The following TENM1 variants were observed in gnomAD, a reference collection of about 807,000 sequenced individuals.
The protein encoded by TENM1 is teneurin transmembrane protein 1.
In TENM1, 35 loss-of-function variants were observed where a neutral mutation model predicts 174.8. The observed-to-expected ratio is 0.20, with a 90% confidence interval of 0.15 to 0.27. TENM1 has a LOEUF of 0.27. Among genes scored for constraint, TENM1 ranks in the 10% least tolerant of loss-of-function variants. The pLI is 1.00. For synonymous variants in TENM1, 781 were observed against 798.7 expected, an observed-to-expected ratio of 0.98 and a Z score of 0.37; for missense variants, 1,633 against 2,130.1, an observed-to-expected ratio of 0.77 and a Z score of 4.59.
upstream of TENM1, among the ~76,000 whole-genome samples, chrX:124,965,755 T>C (rs560054003): frequency 9.0e-6 from 1 of 111,236 alleles, no homozygotes; most frequent in African/African-American, 3.3e-5. Flanking sequence ...CGCCAGTATA[T>C]TGGCTTCATA....
chrX:124,744,802 A>G (rs2053877755), intron 3 of TENM1, among the ~76,000 whole-genome samples: 1 of 111,755 alleles, frequency 8.9e-6, no homozygotes, highest in Non-Finnish European at 1.9e-5. Context: ...CTGAACATTT[A>G]TAAAGTTTTC....
At chrX:125,156,528 A>G in the TENM1 span, among the ~76,000 whole-genome samples, 1 of 112,034 alleles carries the variant, frequency 8.9e-6, no homozygotes. Context: ...CTGTTCCTGC[A>G]TTAGTTTGCT....
chrX:125,096,816 T>C, the TENM1 span, among the ~76,000 whole-genome samples: 1 of 109,784 alleles, frequency 9.1e-6, no homozygotes, highest in East Asian at 2.9e-4. Flanking sequence ...TAATTCCCCA[T>C]GACACCTGGA....
At chrX:124,737,886 G>T (rs1273866974) in intron 3 of TENM1, among the ~76,000 whole-genome samples, 5 of 112,087 alleles carry the variant, frequency 4.5e-5, no homozygotes. Context: ...ACCTTTCTAG[G>T]AGCTCTGCCA....
At chrX:124,484,607 T>C (rs2046914073) in intron 21 of TENM1, among the ~76,000 whole-genome samples, 1 of 111,980 alleles carries the variant, frequency 8.9e-6, no homozygotes, top group Non-Finnish European at 1.9e-5. Context: ...CTTCCAGCTT[T>C]AGCCATTGGG....
chrX:124,913,330 C>T lies in TENM1; in HGVS notation c.218-17089G>A, dbSNP rs144551113. ...GAAAACTACTTACTGCTCAGACATG[C>T]ATTAGTGTGTGGAGACTAGGGTACC... On this transcript the variant is annotated intron_variant, in intron 1 of 31. Transcript: ENST00000422452. Among the ~76,000 whole-genome samples the T allele has an allele frequency of 9.0e-3, 1,007 of 111,407 alleles. 4 individuals carry two copies. Among genetic ancestry groups the T allele is most frequent in the Non-Finnish European group, 0.016 (839 of 53,033 alleles).
exon 19 of TENM1, chrX:124,503,644 C>T (rs2047380790): frequency 4.1e-6 from 5 of 1,208,633 alleles, no homozygotes; most frequent in Non-Finnish European, 4.5e-6. Context: ...TGTAAAACGA[C>T]TGTCCTTTGC....
the TENM1 span, among the ~76,000 whole-genome samples, chrX:125,190,255 T>C: frequency 4.6e-4 from 52 of 112,322 alleles, no homozygotes; most frequent in Non-Finnish European, 6.4e-4. Context: ...TTTCTAATGA[T>C]GAGACCTGCC....
At chrX:124,529,450 G>T (rs2048057798) in intron 16 of TENM1, among the ~76,000 whole-genome samples, 1 of 111,617 alleles carries the variant, frequency 9.0e-6, no homozygotes, top group African/African-American at 3.3e-5. Flanking sequence ...CATTTTTAAA[G>T]CTTCTCCATT....
At chrX:125,070,574 A>G in the TENM1 span, among the ~76,000 whole-genome samples, 1 of 111,631 alleles carries the variant, frequency 9.0e-6, no homozygotes, top group African/African-American at 3.3e-5. Context: ...GGGGAGTAAA[A>G]ATTAGATCCA....
At chrX:124,807,916 C>CACACACACACACACAA (rs746369843) in intron 3 of TENM1, among the ~76,000 whole-genome samples, 53 of 106,906 alleles carry the variant, frequency 5.0e-4, no homozygotes, top group African/African-American at 1.7e-3. Context: ...CACACACACA[C>CACACACACACACACAA]ACAGAGGAAG....
chrX:125,019,403 TATC>T, the TENM1 span, among the ~76,000 whole-genome samples: 1 of 111,225 alleles, frequency 9.0e-6, no homozygotes, highest in South Asian at 3.7e-4. Context: ...CAAATATGAA[TATC>T]ATGTGTGAAA....
chrX:124,455,761 T>G (rs1159136770), intron 22 of TENM1, among the ~76,000 whole-genome samples: 2 of 111,344 alleles, frequency 1.8e-5, no homozygotes, highest in Non-Finnish European at 3.8e-5. Flanking sequence ...CTCTGGAACT[T>G]TAGTAAATTA....
At chrX:124,884,303 G>A (rs1454112670) in intron 3 of TENM1, among the ~76,000 whole-genome samples, 1 of 109,091 alleles carries the variant, frequency 9.2e-6, no homozygotes. Flanking sequence ...AGAGGATGTT[G>A]ACCCCCAGGG....
the TENM1 span, among the ~76,000 whole-genome samples, chrX:125,063,623 C>A: frequency 2.7e-5 from 3 of 111,818 alleles, no homozygotes; most frequent in Admixed American, 2.9e-4. Flanking sequence ...TACCATCTCA[C>A]ACCAGTTAGA....
rs769296246 is a variant in TENM1 at position 124,422,652 on chromosome X, A to C, written c.4105-14T>G. 2.5e-6 allele frequency: 3 copies of C among 1,201,228 alleles called. No homozygotes were observed. Among genetic ancestry groups the C allele is most frequent in the Non-Finnish European group, 2.3e-6 (2 of 888,122 alleles). On this transcript the variant is annotated splice_polypyrimidine_tract_variant and intron_variant, in intron 23 of 31. Coordinates refer to ENST00000422452, the Ensembl canonical transcript of TENM1. ...CTCTAATCGCACCTGTGAAACGAACAGAACACATACCATTAGGTTACCATG... is the reference window on the plus strand; with the variant it reads ...CTCTAATCGCACCTGTGAAACGAACCGAACACATACCATTAGGTTACCATG...
chrX:124,386,348 A>G (rs890460033), intron 28 of TENM1, among the ~76,000 whole-genome samples: 1 of 111,519 alleles, frequency 9.0e-6, no homozygotes, highest in African/African-American at 3.3e-5. Flanking sequence ...GCAGAGGAAG[A>G]CCAGCTTACT....
At chrX:125,152,961 G>C in the TENM1 span, among the ~76,000 whole-genome samples, 1 of 111,956 alleles carries the variant, frequency 8.9e-6, no homozygotes, top group Non-Finnish European at 1.9e-5. Flanking sequence ...AACTGTCTTA[G>C]TAATATTCAG....
At chrX:124,464,420 T>C (rs1434143314) in intron 22 of TENM1, among the ~76,000 whole-genome samples, 1 of 112,068 alleles carries the variant, frequency 8.9e-6, no homozygotes, top group Non-Finnish European at 1.9e-5. Flanking sequence ...TCAAGAGGAA[T>C]TAAAATTTCT....
Sources: gnomAD v4.1 joint callset for allele counts (sites outside exome capture counted in the v4.1 genomes callset) on GRCh38, gnomAD v4.1.1 for gene constraint, MANE v1.5 for transcripts, NCBI Gene and HGNC (gene_info 2026-07-23, HGNC 2026-07-21) for gene names.